TNIK: variants seen among roughly 807,000 people sequenced by gnomAD.
TNIK encodes TRAF2 and NCK-interacting protein kinase.
Under a neutral mutation model 191.3 loss-of-function variants are expected in TNIK, and 49 were observed. The ratio of observed to expected loss-of-function variants is 0.26; its 90% CI spans 0.20 to 0.32. The LOEUF (loss-of-function observed/expected upper bound fraction) is 0.32, where lower values mean the gene tolerates loss of function less well. Ranked by LOEUF, TNIK falls within the 10% of genes least tolerant of loss-of-function variation. The pLI is 1.00. For missense variants in TNIK, 1,155 were observed against 1,702.3 expected (o/e 0.68, Z 5.66); for synonymous variants, 594 against 600.9 (o/e 0.99, Z 0.17).
intron 2 of TNIK, among the ~76,000 whole-genome samples, chr3:171,285,198 T>C (rs954670427): frequency 6.6e-6 from 1 of 152,262 alleles, no homozygotes; most frequent in African/African-American, 2.4e-5. Flanking sequence ...AAATTCAAGC[T>C]GATAATTTTT....
At chr3:171,074,537 C>T (rs185947819) in intron 28 of TNIK, among the ~76,000 whole-genome samples, 275 of 152,014 alleles carry the variant, frequency 1.8e-3, no homozygotes, top group Non-Finnish European at 2.7e-3. Context: ...AAAAAAAAAT[C>T]CCTTCAGATT....
intron 28 of TNIK, among the ~76,000 whole-genome samples, chr3:171,077,188 C>G (rs948799121): frequency 4.6e-4 from 69 of 149,656 alleles, no homozygotes; most frequent in African/African-American, 1.6e-3. Context: ...TCTATTTATA[C>G]CATTTTATTT....
intron 2 of TNIK, among the ~76,000 whole-genome samples, chr3:171,237,036 T>C (rs949346278): frequency 6.6e-6 from 1 of 152,184 alleles, no homozygotes; most frequent in African/African-American, 2.4e-5. Flanking sequence ...CAGTCCTGTC[T>C]CATTCACTTA....
intron 17 of TNIK, among the ~76,000 whole-genome samples, 197 bp downstream of exon 17, chr3:171,125,715 C>A (rs1051259135): frequency 1.3e-5 from 2 of 151,996 alleles, no homozygotes; most frequent in African/African-American, 4.8e-5. Context: ...AGTTTTCTTG[C>A]GGGGGAAATA....
chr3:171,099,661 C>T (rs909356211), intron 22 of TNIK, among the ~76,000 whole-genome samples: 2 of 152,084 alleles, frequency 1.3e-5, no homozygotes, highest in Non-Finnish European at 2.9e-5. Flanking sequence ...CAACATACAG[C>T]GGTAGCACAG....
chr3:171,292,133 C>T (rs1751755819), intron 2 of TNIK, among the ~76,000 whole-genome samples: 1 of 152,004 alleles, frequency 6.6e-6, no homozygotes. Flanking sequence ...CTTATGTGTA[C>T]AAGAATATTT....
intron 2 of TNIK, among the ~76,000 whole-genome samples, chr3:171,236,846 G>A (rs924547051): frequency 5.3e-5 from 8 of 152,126 alleles, no homozygotes; most frequent in Non-Finnish European, 1.2e-4. Flanking sequence ...AATGCAGCCC[G>A]AAGCTGGCCC....
chr3:171,101,498 T>G lies in TNIK; in HGVS notation c.2542A>C (p.Ser848Arg). The change falls in exon 22 of 33, where the codon AGC becomes CGC. Residue 848 changes from serine to arginine, a missense_variant. Ser to Arg is a moderately radical substitution (Grantham distance 110). Transcript: ENST00000436636. The stretch of plus-strand genomic sequence containing the variant: ...GCCACTGTCCCATCATGGGTCTCGC[T>G]CTCTCCATCTTCCTCCTCTTCCTCG... ...SSEEEEEDGE[S>R]ETHDGTVAVS... The G allele has an allele frequency of 6.2e-7, 1 of 1,613,532 alleles. No individual in the cohort carries two copies. The highest frequency in any genetic ancestry group is 8.5e-7 in the Non-Finnish European group (1 of 1,179,544).
intron 21 of TNIK, chr3:171,106,827 T>C: frequency 1.9e-6 from 1 of 522,372 alleles, no homozygotes; most frequent in South Asian, 1.5e-5. Flanking sequence ...TCTCTTTTCT[T>C]GTTAGTAAAA....
chr3:171,237,086 A>T (rs1448960659), intron 2 of TNIK, among the ~76,000 whole-genome samples: 3 of 152,224 alleles, frequency 2.0e-5, no homozygotes, highest in African/African-American at 7.2e-5. Flanking sequence ...TCTCCTGTTC[A>T]GAAAGAAAAA....
chr3:171,228,302 C>T (rs952134733), intron 2 of TNIK, 81 bp from the exon 3 acceptor site: 2 of 1,516,390 alleles, frequency 1.3e-6, no homozygotes, highest in Non-Finnish European at 1.8e-6. Flanking sequence ...AGAAAAATTG[C>T]TTGGATCAGT....
chr3:171,214,267 CCT>C (rs1239242488), intron 3 of TNIK, among the ~76,000 whole-genome samples: 1 of 151,614 alleles, frequency 6.6e-6, no homozygotes, highest in African/African-American at 2.4e-5. Context: ...AAGAGTTCAG[CCT>C]CTCACAATAT....
chr3:171,225,389 A>G, intron 3 of TNIK: 1 of 292,044 alleles, frequency 3.4e-6, no homozygotes, highest in Non-Finnish European at 6.8e-6. Context: ...CAGTGGTTAA[A>G]TAATCATCAA....
chr3:171,260,315 A>AT (rs1398647450), intron 2 of TNIK, among the ~76,000 whole-genome samples: 15 of 152,252 alleles, frequency 9.9e-5, no homozygotes, highest in Admixed American at 7.8e-4. Flanking sequence ...GCAAGATGCT[A>AT]TTGCAATGGT....
At chr3:171,161,880 ACTGCACT>A (rs1251240964) in intron 10 of TNIK, among the ~76,000 whole-genome samples, 1 of 152,126 alleles carries the variant, frequency 6.6e-6, no homozygotes, top group Non-Finnish European at 1.5e-5. Flanking sequence ...AGATCGTGCC[ACTGCACT>A]CTAGCATGGG....
At chr3:171,129,413 C>A (rs61304425) in intron 15 of TNIK, among the ~76,000 whole-genome samples, 1,971 of 152,288 alleles carry the variant, frequency 0.013, 45 homozygotes, top group African/African-American at 0.038. Flanking sequence ...CTGCTTAATG[C>A]GCGTGGCGTG....
chr3:171,174,405 C>T (rs954623367), intron 9 of TNIK, among the ~76,000 whole-genome samples: 3 of 152,102 alleles, frequency 2.0e-5, no homozygotes, highest in Non-Finnish European at 4.4e-5. Flanking sequence ...CAGGAATTGA[C>T]CTCAGACCAT....
chr3:171,285,132 T>TA (rs1750873207), intron 2 of TNIK, among the ~76,000 whole-genome samples: 1 of 152,250 alleles, frequency 6.6e-6, no homozygotes, highest in Admixed American at 6.5e-5. Flanking sequence ...TTAAATTATT[T>TA]AAAGGATACA....
intron 2 of TNIK, among the ~76,000 whole-genome samples, chr3:171,297,073 G>T (rs1752368873): frequency 6.6e-6 from 1 of 152,116 alleles, no homozygotes. Flanking sequence ...GGCCAGTCAA[G>T]ATCCTAGGTA....
Sources: gnomAD v4.1 joint callset for allele counts (sites outside exome capture counted in the v4.1 genomes callset) on GRCh38, gnomAD v4.1.1 for gene constraint, MANE v1.5 for transcripts, NCBI Gene and HGNC (gene_info 2026-07-23, HGNC 2026-07-21) for gene names.